SLC38A7: variants seen among roughly 807,000 people sequenced by gnomAD.
SLC38A7 encodes the protein solute carrier family 38 member 7.
In SLC38A7, 29 loss-of-function variants were observed where a neutral mutation model predicts 50.1. The ratio of observed to expected loss-of-function variants is 0.58; its 90% CI spans 0.43 to 0.79. SLC38A7 has a LOEUF of 0.79. SLC38A7 is among the 30% of genes least tolerant of loss of function. The pLI, the probability that SLC38A7 is intolerant of heterozygous loss-of-function variation, is 0.00. For synonymous variants in SLC38A7, 244 were observed against 245.9 expected (o/e 0.99, Z 0.07); for missense variants, 483 against 610.6 (o/e 0.79, Z 2.20).
In SLC38A7 at chr16:58,675,928, G is replaced by T; in HGVS notation, c.883+12C>A. 1.9e-6 allele frequency: 3 copies of T among 1,595,796 alleles called. No homozygotes were observed. Among genetic ancestry groups the T allele is most frequent in the South Asian group, 1.1e-5 (1 of 88,916 alleles). On this transcript the variant is annotated intron_variant, in intron 8 of 11. Coordinates refer to ENST00000219320, the MANE Select transcript of SLC38A7 (RefSeq NM_018231.3). ...ACTCTAGTCCCAGGTCTTGGGGGGG[G>T]GGAGCACTCACCTGTCCCCATGTAG...
Position 58,678,872 on chromosome 16 carries a change from C to T in SLC38A7, c.293G>A (p.Ser98Asn), listed in dbSNP as rs2044325932. 4 of 1,613,858 alleles carry T rather than the reference C, an allele frequency of 2.5e-6. No homozygotes were observed. Among genetic ancestry groups the T allele is most frequent in the Middle Eastern group, 1.7e-4 (1 of 6,058 alleles). ...LQMGMLVFII[S>N]GLVILAYCSQ... ...GCAGTAGGCCAGGATGACAAGGCCA[C>T]TGATGATGAAAACCAGCATACCCTG... Residue 98 changes from serine (S) to asparagine (N), a missense_variant, in exon 4 of 12, where the codon AGT (serine) becomes AAT (asparagine). Ser to Asn is a conservative substitution (Grantham distance 46). Transcript: ENST00000219320. The surrounding 1 kb of genome is among the most constrained non-coding windows in gnomAD (Gnocchi z 4.0).
intron 3 of SLC38A7, 101 bp downstream of exon 3, chr16:58,679,756 G>T: frequency 6.8e-7 from 1 of 1,467,682 alleles, no homozygotes; most frequent in Non-Finnish European, 9.4e-7. Flanking sequence ...GGGGAGAGCA[G>T]TGCGTGTATC....
In SLC38A7 at chr16:58,678,073, A is replaced by C. The variant is rs957642922; in HGVS notation, c.611+260T>G. 2.6e-5 allele frequency among the ~76,000 whole-genome samples: 4 copies of C among 152,170 alleles called. No individual in the cohort carries two copies. The highest frequency in any genetic ancestry group is 2.6e-4 in the Admixed American group (4 of 15,274). On this transcript the variant is annotated intron_variant, in intron 5 of 11. Transcript: ENST00000219320. The surrounding 1 kb of genome is among the most constrained non-coding windows in gnomAD (Gnocchi z 4.0). ...AGATACCACCTGTTCCTTCTTTGAC[A>C]AGGGCACTTAGAACTGAACTACTCA...
intron 3 of SLC38A7, 133 bp downstream of exon 3, chr16:58,679,724 C>T (rs1486534866): frequency 8.4e-7 from 1 of 1,183,678 alleles, no homozygotes; most frequent in South Asian, 1.3e-5. Context: ...ATAGATTAGT[C>T]ATGTCTGCCA....
At chr16:58,672,012 A>G in intron 9 of SLC38A7, 84 bp downstream of exon 9, 1 of 1,390,424 alleles carries the variant, frequency 7.2e-7, no homozygotes, top group Non-Finnish European at 9.5e-7. Context: ...CTTCTACAGG[A>G]TGGGGTCCAC....
chr16:58,680,471 C>T (rs2044367189), intron 2 of SLC38A7, among the ~76,000 whole-genome samples: 1 of 152,196 alleles, frequency 6.6e-6, no homozygotes, highest in South Asian at 2.1e-4. Context: ...TAGATGTCAA[C>T]ATAAAATGGG....
At chr16:58,676,208 G>A in intron 7 of SLC38A7, 81 bp downstream of exon 7, 1 of 1,597,556 alleles carries the variant, frequency 6.3e-7, no homozygotes, top group Non-Finnish European at 8.6e-7. Context: ...ATTCTGCCTG[G>A]GTTCCTCCTC....
In SLC38A7 at chr16:58,678,853, G is replaced by C; in HGVS notation, c.312C>G (p.Ala104=). 1 of 1,614,116 alleles carries C rather than the reference G, an allele frequency of 6.2e-7. No individual in the cohort carries two copies. The highest frequency in any genetic ancestry group is 8.5e-7 in the Non-Finnish European group (1 of 1,180,048). ...VFIISGLVIL[A]YCSQASNERT... Reference sequence around the variant, plus strand: ...TCTCATTGCTGGCCTGGGAGCAGTAGGCCAGGATGACAAGGCCACTGATGA... The same window carrying C: ...TCTCATTGCTGGCCTGGGAGCAGTACGCCAGGATGACAAGGCCACTGATGA... Residue 104 remains alanine, a synonymous_variant, in exon 4 of 12, where the codon GCC becomes GCG. Transcript: ENST00000219320. This position sits in a 1 kb window ranked among gnomAD's most constrained non-coding sequence, Gnocchi z 4.0.
intron 2 of SLC38A7, among the ~76,000 whole-genome samples, chr16:58,682,026 G>T (rs932781294): frequency 2.0e-5 from 3 of 152,088 alleles, no homozygotes; most frequent in Non-Finnish European, 4.4e-5. Flanking sequence ...GTGTGGTGGT[G>T]CACCCCTGTA....
At chr16:58,676,451 G>A (rs1447670407) in intron 6 of SLC38A7, 105 bp from the exon 7 acceptor site, 2 of 1,177,582 alleles carry the variant, frequency 1.7e-6, no homozygotes, top group Admixed American at 1.8e-5. Flanking sequence ...CCAGCAACTG[G>A]GATTCCATAG....
rs150545127 is a variant in SLC38A7, at chr16:58,677,688, G to A, written c.612-264C>T. 630 of 466,700 alleles carry A rather than the reference G, an allele frequency of 1.3e-3. 3 individuals are homozygous for A. Among genetic ancestry groups the A allele is most frequent in the African/African-American group, 0.011 (585 of 51,014 alleles). The allele number at this position is 466,700 out of a possible 1,614,324, so 28.9% of individuals were successfully genotyped here. On this transcript the variant is annotated intron_variant, in intron 5 of 11. Transcript: ENST00000219320. ...TGGTTCAGCTCCATGGCTCAGAGAC[G>A]ATGCAGAGAGCAGAGCTCCAAAGCA...
At chr16:58,683,275 TC>T (rs1166426088) in intron 2 of SLC38A7, among the ~76,000 whole-genome samples, 1 of 152,214 alleles carries the variant, frequency 6.6e-6, no homozygotes, top group Non-Finnish European at 1.5e-5. Flanking sequence ...TCTGATGCCT[TC>T]AGCCCACTGG....
chr16:58,671,001 G>T, intron 10 of SLC38A7, 44 bp downstream of exon 10: 2 of 1,552,618 alleles, frequency 1.3e-6, no homozygotes, highest in Non-Finnish European at 1.7e-6. Context: ...GGCCCTGGGA[G>T]TCTGTGCTGT....
Position 58,680,213 on chromosome 16 carries a change from G to C in SLC38A7, c.-87C>G, listed in dbSNP as rs1177968809. On this transcript the variant is annotated 5_prime_UTR_variant, in exon 3 of 12. Coordinates refer to ENST00000219320, the MANE Select transcript of SLC38A7 (RefSeq NM_018231.3). ...GGAGCTGAGCAACACCCACCTGTTT[G>C]GGGCTGTTAGCTTAGGACTCTTCTC... 3.5e-6 allele frequency: 5 copies of C among 1,427,398 alleles called. No homozygotes were observed. The East Asian group carries it at 7.4e-5, about 21-fold the overall frequency. The allele number at this position is 1,427,398 out of a possible 1,614,324, so 88.4% of individuals were successfully genotyped here. A position where few individuals can be genotyped will look rare whatever the true frequency, so the allele number is the denominator to read the frequency against.
In SLC38A7 at chr16:58,670,094, G is replaced by A. The variant is rs1390550532; in HGVS notation, c.1286+19C>T. 6.2e-7 allele frequency: 1 copy of A among 1,613,794 alleles called. No homozygotes were observed. Among genetic ancestry groups the A allele is most frequent in the Non-Finnish European group, 8.5e-7 (1 of 1,179,752 alleles). On this transcript the variant is annotated intron_variant, in intron 11 of 11. Coordinates refer to ENST00000219320, the MANE Select transcript of SLC38A7 (RefSeq NM_018231.3). Reference sequence around the variant, plus strand: ...TCCAGCACCTCCCTGAGAGGATCAAGGGCTGGGTCCTGCTTTACCTGGCTG... The same window carrying A: ...TCCAGCACCTCCCTGAGAGGATCAAAGGCTGGGTCCTGCTTTACCTGGCTG...
rs1273412688 is a variant in SLC38A7, at chr16:58,678,272, C to A, written c.611+61G>T. On this transcript the variant is annotated intron_variant, in intron 5 of 11. Coordinates refer to ENST00000219320, the MANE Select transcript of SLC38A7 (RefSeq NM_018231.3). The surrounding 1 kb of genome is among the most constrained non-coding windows in gnomAD (Gnocchi z 4.0). ...GGAGGAGCAGGGTTCCCCAGGAGCC[C>A]TTGGGTCTACAGCTGCCCAGGATCA... 3 of 1,461,154 alleles carry A rather than the reference C, an allele frequency of 2.1e-6. No individual in the cohort carries two copies. Among genetic ancestry groups the A allele is most frequent in the Admixed American group, 4.9e-5 (2 of 40,770 alleles). The allele number at this position is 1,461,154 out of a possible 1,614,324, so 90.5% of individuals were successfully genotyped here.
chr16:58,671,932 T>C, intron 9 of SLC38A7, 164 bp downstream of exon 9: 2 of 771,796 alleles, frequency 2.6e-6, no homozygotes, highest in Non-Finnish European at 3.9e-6. Context: ...AGGGCGCTTC[T>C]GACACCTGGC....
At chr16:58,680,517 C>G (rs1456191897) in intron 2 of SLC38A7, among the ~76,000 whole-genome samples, 1 of 152,202 alleles carries the variant, frequency 6.6e-6, no homozygotes, top group African/African-American at 2.4e-5. Context: ...GGCCCCGCAT[C>G]GGGCAGGTGT....
Position 58,666,334 on chromosome 16 carries a change from TG to T in SLC38A7, c.*1050del, listed in dbSNP as rs2044033853. The T allele has an allele frequency of 6.6e-6, 1 of 150,810 alleles. No individual in the cohort carries two copies. Among genetic ancestry groups the T allele is most frequent in the Admixed American group, 6.6e-5 (1 of 15,080 alleles). The allele number at this position is 150,810 out of a possible 1,614,324, so 9.3% of individuals were successfully genotyped here. ...TGCCCGCCTTGGCCTCCCAAAGTGC[TG>T]GGATTACAGGCGTGAGCCACTGCGC... On this transcript the variant is annotated 3_prime_UTR_variant, in exon 12 of 12. Coordinates refer to ENST00000219320, the MANE Select transcript of SLC38A7 (RefSeq NM_018231.3).
Sources: gnomAD v4.1 joint callset for allele counts (sites outside exome capture counted in the v4.1 genomes callset) on GRCh38, gnomAD v4.1.1 for gene constraint, Gnocchi (gnomAD v3.1) non-coding constraint, MANE v1.5 for transcripts, NCBI Gene and HGNC (gene_info 2026-07-23, HGNC 2026-07-21) for gene names.